The following NAV3 variants were observed in gnomAD, a reference collection of about 807,000 sequenced individuals.
The protein encoded by NAV3 is neuron navigator 3, also known as pore membrane and/or filament interacting like protein 1.
Under a neutral mutation model 244.7 loss-of-function variants are expected in NAV3, and 87 were observed. The observed-to-expected ratio is 0.36, with a 90% confidence interval of 0.30 to 0.42. The LOEUF (loss-of-function observed/expected upper bound fraction) is 0.42, where lower values mean the gene tolerates loss of function less well. Among genes scored for constraint, NAV3 ranks in the 20% least tolerant of loss-of-function variants. NAV3 has a pLI of 1.00. For missense variants in NAV3, 2,663 were observed against 2,893.3 expected, an observed-to-expected ratio of 0.92 and a Z score of 1.83; for synonymous variants, 1,126 against 1,042.2, an observed-to-expected ratio of 1.08 and a Z score of -1.55.
intron 17 of NAV3, among the ~76,000 whole-genome samples, chr12:78,127,516 C>A (rs979501362): frequency 1.3e-5 from 2 of 152,074 alleles, no homozygotes; most frequent in Admixed American, 1.3e-4. Flanking sequence ...TTGTCCCAGG[C>A]ATTACTTTTT....
At chr12:77,999,883 G>A (rs1158928208) in intron 7 of NAV3, among the ~76,000 whole-genome samples, 1 of 152,060 alleles carries the variant, frequency 6.6e-6, no homozygotes, top group African/African-American at 2.4e-5. Flanking sequence ...GAAATTTCTA[G>A]GGGAAGCTAA....
chr12:77,952,282 G>T (rs1890974958), intron 3 of NAV3, among the ~76,000 whole-genome samples: 1 of 152,000 alleles, frequency 6.6e-6, no homozygotes, highest in Non-Finnish European at 1.5e-5. Context: ...CTTTAGTGTT[G>T]TGTCTATTTT....
At chr12:77,900,054 T>A (rs564804461) in intron 1 of NAV3, among the ~76,000 whole-genome samples, 1 of 150,996 alleles carries the variant, frequency 6.6e-6, no homozygotes, top group East Asian at 2.0e-4. Flanking sequence ...TCTCTAGTGG[T>A]CCTCAGTGTC....
At chr12:78,091,192 T>G (rs1057289027) in intron 12 of NAV3, among the ~76,000 whole-genome samples, 5 of 152,178 alleles carry the variant, frequency 3.3e-5, no homozygotes, top group Admixed American at 3.3e-4. Context: ...ATAGAAATAA[T>G]ATCTGTAATT....
At chr12:77,798,429 A>C (rs1270499940) in intron 2 of NAV3, among the ~76,000 whole-genome samples, 1 of 152,132 alleles carries the variant, frequency 6.6e-6, no homozygotes, top group African/African-American at 2.4e-5. Context: ...CTGGAATGCA[A>C]AAATATAAAA....
In NAV3 at chr12:78,006,610, T is replaced by C. The variant is rs1360655793; in HGVS notation, c.1072T>C (p.Ser358Pro). Reference sequence around the variant, plus strand: ...TGTAAAGCAGTCAAGTACAGCCACCTCCCCCACACCATCTTCAGACAGACT... The same window carrying C: ...TGTAAAGCAGTCAAGTACAGCCACCCCCCCCACACCATCTTCAGACAGACT... ...LTVKQSSTAT[S>P]PTPSSDRLKP... The change falls in exon 8 of 40, where the codon TCC becomes CCC. Residue 358 changes from serine (S) to proline (P), a missense_variant. Transcript: ENST00000397909. 2.5e-6 allele frequency: 4 copies of C among 1,613,482 alleles called. No individual in the cohort carries two copies. Among genetic ancestry groups the C allele is most frequent in the Non-Finnish European group, 3.4e-6 (4 of 1,179,926 alleles).
At chr12:77,597,973 A>G (rs993180958) in intron 2 of NAV3, among the ~76,000 whole-genome samples, 1 of 151,940 alleles carries the variant, frequency 6.6e-6, no homozygotes, top group Non-Finnish European at 1.5e-5. Flanking sequence ...TGCAGATGGA[A>G]TACATTTGTG....
intron 1 of NAV3, among the ~76,000 whole-genome samples, chr12:77,854,846 A>G (rs7132141): frequency 0.7 from 106,396 of 152,076 alleles, 39,630 homozygotes; most frequent in East Asian, 0.86. Flanking sequence ...GGCCGGGTGC[A>G]GTGGCTCACG....
chr12:78,155,819 T>C (rs575837169), intron 22 of NAV3, among the ~76,000 whole-genome samples: 65 of 152,236 alleles, frequency 4.3e-4, no homozygotes, highest in African/African-American at 1.4e-3. Context: ...TGTCTATTCA[T>C]GTCTTTGCCC....
intron 12 of NAV3, among the ~76,000 whole-genome samples, chr12:78,110,984 G>T (rs1955065154): frequency 6.6e-6 from 1 of 152,016 alleles, no homozygotes; most frequent in Admixed American, 6.6e-5. Context: ...CATGAAGGTG[G>T]AGAATGGAAA....
At chr12:77,785,987 G>T (rs1870886954) in intron 2 of NAV3, among the ~76,000 whole-genome samples, 1 of 152,122 alleles carries the variant, frequency 6.6e-6, no homozygotes, top group Non-Finnish European at 1.5e-5. Context: ...GGAGCTGAGT[G>T]ATCTTATTTG....
chr12:77,647,270 G>A (rs1327578674), intron 2 of NAV3, among the ~76,000 whole-genome samples: 1 of 152,168 alleles, frequency 6.6e-6, no homozygotes, highest in South Asian at 2.1e-4. Flanking sequence ...AAACATAGAG[G>A]AGTAACATTT....
At chr12:78,075,017 G>T (rs908631763) in intron 12 of NAV3, among the ~76,000 whole-genome samples, 3 of 152,172 alleles carry the variant, frequency 2.0e-5, no homozygotes, top group Admixed American at 6.5e-5. Flanking sequence ...CTGAACACAG[G>T]TTAATTAAAT....
upstream of NAV3, among the ~76,000 whole-genome samples, chr12:77,828,936 T>C (rs962787361): frequency 6.6e-6 from 1 of 152,212 alleles, no homozygotes; most frequent in African/African-American, 2.4e-5. Flanking sequence ...ACTAGTATAA[T>C]GCAGAAGTTG....
chr12:77,851,568 A>G (rs1185427081), intron 1 of NAV3, among the ~76,000 whole-genome samples: 1 of 152,174 alleles, frequency 6.6e-6, no homozygotes, highest in African/African-American at 2.4e-5. Flanking sequence ...ATTATTTGTT[A>G]CAGACTGAAT....
intron 2 of NAV3, among the ~76,000 whole-genome samples, chr12:77,711,520 A>G (rs1003225718): frequency 6.6e-6 from 1 of 152,234 alleles, no homozygotes; most frequent in African/African-American, 2.4e-5. Context: ...TCTCAAAATT[A>G]TCACTTAAAA....
At chr12:78,127,892 A>G (rs1269571936) in intron 17 of NAV3, among the ~76,000 whole-genome samples, 1 of 152,194 alleles carries the variant, frequency 6.6e-6, no homozygotes, top group Non-Finnish European at 1.5e-5. Flanking sequence ...AATAAAAAAT[A>G]AAATAAAAAT....
chr12:77,813,901 G>T (rs773019745), intron 2 of NAV3, among the ~76,000 whole-genome samples: 2 of 152,082 alleles, frequency 1.3e-5, no homozygotes, highest in African/African-American at 2.4e-5. Context: ...ATACATCTCA[G>T]CGATTTTTAA....
intron 2 of NAV3, among the ~76,000 whole-genome samples, chr12:77,702,703 C>T (rs1875615076): frequency 6.6e-6 from 1 of 151,836 alleles, no homozygotes; most frequent in Non-Finnish European, 1.5e-5. Context: ...TCTACTTACC[C>T]CTGTTCTTTG....
Sources: gnomAD v4.1 joint callset for allele counts (sites outside exome capture counted in the v4.1 genomes callset) on GRCh38, gnomAD v4.1.1 for gene constraint, MANE v1.5 for transcripts, NCBI Gene and HGNC (gene_info 2026-07-23, HGNC 2026-07-21) for gene names.